Variants in RBFOX1 observed in about 807,000 individuals in gnomAD.
RBFOX1 encodes RNA binding fox-1 homolog 1.
In RBFOX1, 8 loss-of-function variants were observed where a neutral mutation model predicts 57.7. The ratio of observed to expected loss-of-function variants is 0.14; its 90% CI spans 0.08 to 0.25. The LOEUF (loss-of-function observed/expected upper bound fraction) is 0.25. Ranked by LOEUF, RBFOX1 falls within the 10% of genes least tolerant of loss-of-function variation. The pLI is 1.00. For synonymous variants in RBFOX1, 326 were observed against 222.4 expected, an observed-to-expected ratio of 1.47 and a Z score of -4.15; for missense variants, 611 against 548.5, an observed-to-expected ratio of 1.11 and a Z score of -1.14.
chr16:6,618,576 G>C (rs907284892), intron 2 of RBFOX1, among the ~76,000 whole-genome samples: 1 of 152,150 alleles, frequency 6.6e-6, no homozygotes, highest in African/African-American at 2.4e-5. Flanking sequence ...CATGATACTC[G>C]TTTCGAGGAG....
At chr16:6,506,624 ATTTTTTTTTTTT>A (rs71145238) in intron 2 of RBFOX1, among the ~76,000 whole-genome samples, 4 of 98,458 alleles carry the variant, frequency 4.1e-5, no homozygotes, top group South Asian at 3.6e-4. Context: ...ACAGTAGCTA[ATTTTTTTTTTTT>A]TTTTTTTTTT....
chr16:6,767,947 T>TAATAAGAAGAAGAAGAAGAAGAAGAAG (rs1410744665), intron 3 of RBFOX1, among the ~76,000 whole-genome samples: 36 of 101,032 alleles, frequency 3.6e-4, no homozygotes, highest in African/African-American at 1.4e-3. Context: ...ATAATAATAA[T>TAATAAGAAGAAGAAGAAGAAGAAGAAG]AAGAAGAAGA....
intron 1 of RBFOX1, among the ~76,000 whole-genome samples, chr16:5,394,216 G>A (rs2066487464): frequency 6.6e-6 from 1 of 152,054 alleles, no homozygotes; most frequent in Non-Finnish European, 1.5e-5. Context: ...TAGAGACAGG[G>A]CTTCACCATG....
chr16:7,024,964 C>T (rs1190545259), intron 3 of RBFOX1, among the ~76,000 whole-genome samples: 1 of 152,076 alleles, frequency 6.6e-6, no homozygotes, highest in East Asian at 1.9e-4. Flanking sequence ...TCACAGGCCA[C>T]ACACCAGGCA....
At chr16:5,707,272 T>C (rs73518028) in intron 3 of RBFOX1, among the ~76,000 whole-genome samples, 9,464 of 152,264 alleles carry the variant, frequency 0.062, 964 homozygotes, top group African/African-American at 0.21. Flanking sequence ...ATCTCTGGGC[T>C]TGGCTGCAGC....
intron 1 of RBFOX1, among the ~76,000 whole-genome samples, chr16:6,249,279 C>T (rs536417913): frequency 6.6e-6 from 1 of 152,160 alleles, no homozygotes; most frequent in Non-Finnish European, 1.5e-5. Flanking sequence ...ATAATCCCAG[C>T]ACTTTGGGAG....
At chr16:6,643,469 C>T (rs1365744317) in intron 2 of RBFOX1, among the ~76,000 whole-genome samples, 1 of 152,014 alleles carries the variant, frequency 6.6e-6, no homozygotes, top group East Asian at 1.9e-4. Context: ...ATTAAGTGAA[C>T]ACAGACTCTG....
At chr16:7,040,049 T>C (rs1316505769) in intron 3 of RBFOX1, among the ~76,000 whole-genome samples, 6 of 151,842 alleles carry the variant, frequency 4.0e-5, no homozygotes, top group African/African-American at 1.5e-4. Flanking sequence ...TGAGACAAAG[T>C]CTTGCTCTGT....
intron 1 of RBFOX1, among the ~76,000 whole-genome samples, chr16:6,236,625 AT>A (rs939641871): frequency 2.0e-5 from 3 of 151,690 alleles, no homozygotes; most frequent in Admixed American, 6.6e-5. Context: ...TTATTTTTGT[AT>A]TTTTAGTAGA....
intron 3 of RBFOX1, among the ~76,000 whole-genome samples, chr16:6,780,466 TTATA>T (rs1214727380): frequency 1.0e-5 from 1 of 96,516 alleles, no homozygotes; most frequent in Non-Finnish European, 1.8e-5. Flanking sequence ...TTATATATAT[TTATA>T]TACATTTTTA....
At chr16:5,257,430 A>G (rs377379414) in intron 1 of RBFOX1, among the ~76,000 whole-genome samples, 1 of 152,174 alleles carries the variant, frequency 6.6e-6, no homozygotes, top group African/African-American at 2.4e-5. Context: ...AACGTGCAGG[A>G]GGAATCCCAG....
intron 4 of RBFOX1, among the ~76,000 whole-genome samples, chr16:5,886,626 G>T (rs916315629): frequency 6.6e-6 from 1 of 152,192 alleles, no homozygotes; most frequent in Non-Finnish European, 1.5e-5. Flanking sequence ...GGTGGCTCAC[G>T]CCTGTCATCT....
intron 2 of RBFOX1, among the ~76,000 whole-genome samples, chr16:5,543,342 G>C (rs532711473): frequency 1.3e-5 from 2 of 152,214 alleles, no homozygotes; most frequent in East Asian, 3.9e-4. Flanking sequence ...GACAAAAAAA[G>C]ACCCAAATCA....
chr16:7,034,191 C>A (rs956122346), intron 3 of RBFOX1, among the ~76,000 whole-genome samples: 2 of 152,114 alleles, frequency 1.3e-5, no homozygotes, highest in Non-Finnish European at 2.9e-5. Flanking sequence ...ACTCCTGGCT[C>A]TGGTTTTTCC....
chr16:6,282,127 G>A (rs985068533), intron 1 of RBFOX1, among the ~76,000 whole-genome samples: 3 of 152,100 alleles, frequency 2.0e-5, no homozygotes, highest in Non-Finnish European at 4.4e-5. Context: ...TTTAATTTTT[G>A]CAGAAGCTCT....
At chr16:6,479,452 G>T (rs977554305) in intron 2 of RBFOX1, among the ~76,000 whole-genome samples, 1 of 152,070 alleles carries the variant, frequency 6.6e-6, no homozygotes, top group Middle Eastern at 3.4e-3. Flanking sequence ...GCCCGGCATG[G>T]TGGCACACAC....
At chr16:5,552,194 A>G (rs2045492464) in intron 2 of RBFOX1, among the ~76,000 whole-genome samples, 1 of 152,192 alleles carries the variant, frequency 6.6e-6, no homozygotes, top group South Asian at 2.1e-4. Flanking sequence ...CTTCTCTGAG[A>G]TAACCTTGCT....
intron 2 of RBFOX1, among the ~76,000 whole-genome samples, chr16:6,499,019 A>C (rs1009408153): frequency 6.6e-6 from 1 of 152,158 alleles, no homozygotes; most frequent in Admixed American, 6.5e-5. Flanking sequence ...TTACCATTCT[A>C]TGATTGTGTG....
At chr16:7,158,356 G>C (rs1292659122) in intron 4 of RBFOX1, among the ~76,000 whole-genome samples, 6 of 151,974 alleles carry the variant, frequency 3.9e-5, no homozygotes, top group Non-Finnish European at 1.5e-5. Flanking sequence ...AAAAGAAAAA[G>C]AAAAACTACA....
Sources: allele counts gnomAD v4.1 joint callset (sites outside exome capture counted in the v4.1 genomes callset), GRCh38; gene constraint gnomAD v4.1.1; transcripts MANE v1.5; gene names NCBI Gene and HGNC (gene_info 2026-07-23, HGNC 2026-07-21).